The following CDH19 variants were observed in gnomAD, a reference collection of about 807,000 sequenced individuals.
The protein encoded by CDH19 is cadherin-19.
CDH19 carries 67 observed loss-of-function variants against 64.2 expected under a neutral mutation model. That is an observed-to-expected ratio of 1.04 (90% CI 0.86 to 1.28). CDH19 has a LOEUF of 1.28. Among genes scored for constraint, CDH19 ranks in the 50% most tolerant of loss-of-function variants. The probability of loss-of-function intolerance (pLI) is 0.00; values close to 1 mark genes in which losing one functional copy is unlikely to be tolerated. For synonymous variants in CDH19, 346 were observed against 319.3 expected (o/e 1.08, Z -0.89); for missense variants, 1,030 against 929.0 (o/e 1.11, Z -1.41).
At chr18:66,575,307 C>T (rs1008228251) in intron 1 of CDH19, among the ~76,000 whole-genome samples, 8 of 151,878 alleles carry the variant, frequency 5.3e-5, no homozygotes, top group Middle Eastern at 3.4e-3. Flanking sequence ...AGGTTTCACC[C>T]ACTTTACTCA....
At chr18:66,520,428 T>C (rs1042619326) in intron 9 of CDH19, among the ~76,000 whole-genome samples, 1 of 150,368 alleles carries the variant, frequency 6.7e-6, no homozygotes, top group Non-Finnish European at 1.5e-5. Flanking sequence ...ATGAAAAAGT[T>C]ACCAATTATT....
chr18:66,504,685 A>C lies in CDH19; in HGVS notation c.*127T>G, dbSNP rs930930387. The C allele has an allele frequency of 2.7e-5, 25 of 911,848 alleles. No individual in the cohort carries two copies. The African/African-American group carries it at 3.8e-4, about 14-fold the overall frequency. The allele number at this position is 911,848 out of a possible 1,614,324, so 56.5% of individuals were successfully genotyped here. ...AAAATAACCATGGAGTATTTACTCC[A>C]GGGAAATCAGAAAACTCCATAGACT... On this transcript the variant is annotated 3_prime_UTR_variant, in exon 12 of 12. Transcript: ENST00000262150.
At chr18:66,514,548 G>A (rs1439205310) in intron 9 of CDH19, among the ~76,000 whole-genome samples, 1 of 151,122 alleles carries the variant, frequency 6.6e-6, no homozygotes. Context: ...TGAAGGCAAA[G>A]ATATCATACA....
intron 1 of CDH19, among the ~76,000 whole-genome samples, chr18:66,581,369 G>A (rs1044939900): frequency 6.6e-6 from 1 of 152,054 alleles, no homozygotes; most frequent in Non-Finnish European, 1.5e-5. Flanking sequence ...AATATTAGGT[G>A]TCAACTTGAT....
At chr18:66,588,687 C>G (rs1179468962) in intron 1 of CDH19, among the ~76,000 whole-genome samples, 16 of 146,308 alleles carry the variant, frequency 1.1e-4, no homozygotes, top group Non-Finnish European at 3.0e-5. Flanking sequence ...ATGTTTTGGT[C>G]CTTATTTATA....
chr18:66,537,092 A>G (rs866851983), intron 7 of CDH19, among the ~76,000 whole-genome samples: 3 of 151,960 alleles, frequency 2.0e-5, no homozygotes, highest in East Asian at 1.9e-4. Flanking sequence ...TCTTATATAA[A>G]CTTTAATCTG....
At position 66,544,851 on chromosome 18, in the gene CDH19, T is replaced by G. The variant is rs1293839281; in HGVS notation, c.828A>C (p.Gly276=). Residue 276 remains glycine (G), a synonymous_variant, in exon 6 of 12, where the codon GGA becomes GGC. Coordinates refer to ENST00000262150, the MANE Select transcript of CDH19 (RefSeq NM_021153.4). ...SESAPTGTSI[G]TIMAYDNDIG... is the part of the protein sequence containing the mutation. ...TGTCATTATCATATGCCATGATTGT[T>G]CCTATAGAAGTCCCAGTGGGTGCAG... 1 of 1,613,020 alleles carries G rather than the reference T, an allele frequency of 6.2e-7. No homozygotes were observed. Among genetic ancestry groups the G allele is most frequent in the Admixed American group, 1.7e-5 (1 of 59,940 alleles).
intron 9 of CDH19, among the ~76,000 whole-genome samples, chr18:66,516,093 G>A (rs955551252): frequency 1.3e-5 from 2 of 151,924 alleles, no homozygotes; most frequent in Admixed American, 6.6e-5. Context: ...GCTGAAATTA[G>A]AAGATCATAC....
chr18:66,564,862 CT>C (rs1987849859), intron 3 of CDH19, among the ~76,000 whole-genome samples: 1 of 96,880 alleles, frequency 1.0e-5, no homozygotes, highest in Non-Finnish European at 2.2e-5. Context: ...TTAAATGCCC[CT>C]TCTTTTTTTT....
At chr18:66,511,276 G>C (rs1168264324) in intron 10 of CDH19, among the ~76,000 whole-genome samples, 1 of 151,686 alleles carries the variant, frequency 6.6e-6, no homozygotes, top group Non-Finnish European at 1.5e-5. Flanking sequence ...AGGAGCTGTG[G>C]TGTCAGAACT....
chr18:66,522,942 TAC>T (rs1306149150), intron 9 of CDH19, among the ~76,000 whole-genome samples: 1 of 151,830 alleles, frequency 6.6e-6, no homozygotes, highest in Non-Finnish European at 1.5e-5. Context: ...GAAAAATTGA[TAC>T]CTTTTCCTAA....
chr18:66,592,937 T>C (rs11663786), intron 1 of CDH19, among the ~76,000 whole-genome samples: 51,378 of 151,650 alleles, frequency 0.34, 10,144 homozygotes, highest in Non-Finnish European at 0.45. Context: ...GAATCATATA[T>C]TACTTCTATC....
chr18:66,543,946 T>G, intron 7 of CDH19, 25 bp downstream of exon 7: 1 of 1,538,694 alleles, frequency 6.5e-7, no homozygotes. Context: ...TATTTATTAA[T>G]GCAAAACTGA....
chr18:66,509,625 T>A (rs940657850), intron 10 of CDH19, among the ~76,000 whole-genome samples: 2 of 151,788 alleles, frequency 1.3e-5, no homozygotes, highest in African/African-American at 4.8e-5. Flanking sequence ...AATGGCTTTT[T>A]AATCAGATAT....
At chr18:66,517,267 G>T (rs1985778162) in intron 9 of CDH19, among the ~76,000 whole-genome samples, 1 of 151,818 alleles carries the variant, frequency 6.6e-6, no homozygotes, top group Non-Finnish European at 1.5e-5. Context: ...TTAGGAAAAA[G>T]AAAATTTTTA....
intron 8 of CDH19, 52 bp from the exon 9 acceptor site, chr18:66,530,018 A>C: frequency 1.1e-6 from 1 of 928,646 alleles, no homozygotes; most frequent in Non-Finnish European, 1.5e-6. Context: ...ATATGTCTTT[A>C]GAAGAGACAT....
At chr18:66,559,871 C>T (rs1412327822) in intron 3 of CDH19, among the ~76,000 whole-genome samples, 2 of 151,712 alleles carry the variant, frequency 1.3e-5, no homozygotes, top group Non-Finnish European at 2.9e-5. Flanking sequence ...TAGATGACTA[C>T]TTAAAAATAA....
At chr18:66,537,979 A>G (rs1038500164) in intron 7 of CDH19, among the ~76,000 whole-genome samples, 6 of 152,050 alleles carry the variant, frequency 3.9e-5, no homozygotes, top group Non-Finnish European at 8.8e-5. Flanking sequence ...CCTTCATGTA[A>G]CTTTTCTCAT....
chr18:66,502,113 C>T lies in CDH19; in HGVS notation c.*2699G>A, dbSNP rs950485462. On this transcript the variant is annotated 3_prime_UTR_variant, in exon 12 of 12. Transcript: ENST00000262150. ...ATGTAATGCCTTTTTAGTTTAAGAG[C>T]TGTGTTCTTGCAACACCCATGTGAT... The T allele has an allele frequency of 4.6e-5, 7 of 151,994 alleles. No individual in the cohort carries two copies. Among genetic ancestry groups the T allele is most frequent in the Non-Finnish European group, 2.9e-5 (2 of 67,992 alleles). 9.4% of individuals were successfully genotyped at this position (151,994 alleles called of 1,614,324 possible).
Sources: gnomAD v4.1 joint callset for allele counts (sites outside exome capture counted in the v4.1 genomes callset) on GRCh38, gnomAD v4.1.1 for gene constraint, MANE v1.5 for transcripts, NCBI Gene and HGNC (gene_info 2026-07-23, HGNC 2026-07-21) for gene names.